NKAIN1: variants seen among roughly 807,000 people sequenced by gnomAD.
NKAIN1 encodes sodium/potassium-transporting ATPase subunit beta-1-interacting protein 1.
A neutral mutation model predicts 31.6 loss-of-function variants in NKAIN1; 13 were observed. That is an observed-to-expected ratio of 0.41 (90% CI 0.27 to 0.65). The LOEUF is 0.65. Among genes scored for constraint, NKAIN1 ranks in the 30% least tolerant of loss-of-function variants. The pLI is 0.30. For missense variants in NKAIN1, 193 were observed against 262.2 expected (o/e 0.74, Z 1.82); for synonymous variants, 104 against 109.0 (o/e 0.95, Z 0.28).
rs1645529647 is a variant in NKAIN1 at position 31,218,053 on chromosome 1, T to TTTCC, written c.54+21440_54+21441insGGAA. ...CTTTCTTTCTTTCTTTCTTTCTTTCTTTCTTTCTTTCTTTCTTTTTTTTTT... is the reference window on the plus strand; with the variant it reads ...CTTTCTTTCTTTCTTTCTTTCTTTCTTTCCTTCTTTCTTTCTTTCTTTTTTTTTT... On this transcript the variant is annotated intron_variant, in intron 1 of 6. Coordinates refer to ENST00000373736, the MANE Select transcript of NKAIN1 (RefSeq NM_024522.3). 3.0e-4 allele frequency among the ~76,000 whole-genome samples: 43 copies of TTTCC among 142,528 alleles called. No homozygotes were observed. The Admixed American group carries it at 3.3e-3, about 11-fold the overall frequency. The allele number at this position is 142,528 out of a possible 152,430, so 93.5% of individuals were successfully genotyped here. A position where few individuals can be genotyped will look rare whatever the true frequency, so the allele number is the denominator to read the frequency against.
chr1:31,193,877 C>A (rs1458543949), intron 1 of NKAIN1: 1 of 152,308 alleles, frequency 6.6e-6, no homozygotes, highest in African/African-American at 2.4e-5. Flanking sequence ...TCATAACCGG[C>A]CTTGCTGTGT....
At chr1:31,220,754 C>CA (rs772908877) in intron 1 of NKAIN1, among the ~76,000 whole-genome samples, 6,620 of 58,544 alleles carry the variant, frequency 0.11, 635 homozygotes, top group East Asian at 0.27. Context: ...ACTCCATCTC[C>CA]AAAAAAAAAA....
At position 31,180,684 on chromosome 1, in the gene NKAIN1, G is replaced by C. The variant is rs1645190700; in HGVS notation, c.*1019C>G. The stretch of plus-strand genomic sequence containing the variant: ...GGGATACAGTAGAACCAGCCTCAGG[G>C]ACCTGGAAGGGGGTGGAGTGACTGA... On this transcript the variant is annotated 3_prime_UTR_variant, in exon 7 of 7. Coordinates refer to ENST00000373736, the MANE Select transcript of NKAIN1 (RefSeq NM_024522.3). 6.6e-6 allele frequency: 1 copy of C among 152,436 alleles called. No individual in the cohort carries two copies. The highest frequency in any genetic ancestry group is 2.4e-5 in the African/African-American group (1 of 41,434). The allele number at this position is 152,436 out of a possible 1,614,324, so 9.4% of individuals were successfully genotyped here. A position where few individuals can be genotyped will look rare whatever the true frequency, so the allele number is the denominator to read the frequency against.
rs775103795 is a variant in NKAIN1 at position 31,181,977 on chromosome 1, G to A, written c.533-36C>T. On this transcript the variant is annotated intron_variant, in intron 5 of 6. Coordinates refer to ENST00000373736, the MANE Select transcript of NKAIN1 (RefSeq NM_024522.3). Reference sequence around the variant, plus strand: ...GGGGCGGCGCATGTTAGGGATCGGCGGCGGGGGCGAGGAGAGGGAGACTGG... The same window carrying A: ...GGGGCGGCGCATGTTAGGGATCGGCAGCGGGGGCGAGGAGAGGGAGACTGG... 9.5e-6 allele frequency: 15 copies of A among 1,577,308 alleles called. No individual in the cohort carries two copies. The African/African-American group carries it at 1.6e-4, about 17-fold the overall frequency.
At chr1:31,213,158 T>C (rs1399929190) in intron 1 of NKAIN1, among the ~76,000 whole-genome samples, 1 of 147,276 alleles carries the variant, frequency 6.8e-6, no homozygotes, top group African/African-American at 2.5e-5. Context: ...AGTCAACCCA[T>C]ACAATATGAG....
chr1:31,184,058 A>T, intron 3 of NKAIN1, 44 bp from the exon 4 acceptor site: 1 of 1,558,098 alleles, frequency 6.4e-7, no homozygotes, highest in Non-Finnish European at 8.8e-7. Context: ...AGGGAGAGGG[A>T]GGGGGGAGCT....
intron 1 of NKAIN1, among the ~76,000 whole-genome samples, chr1:31,199,160 GTC>G (rs1645356103): frequency 6.6e-6 from 1 of 152,198 alleles, no homozygotes; most frequent in African/African-American, 2.4e-5. Context: ...GCCTGGTTCT[GTC>G]TCTCTCACTG....
intron 1 of NKAIN1, among the ~76,000 whole-genome samples, chr1:31,223,230 G>T (rs917264755): frequency 6.6e-6 from 1 of 151,990 alleles, no homozygotes; most frequent in Non-Finnish European, 1.5e-5. Flanking sequence ...ACAAAAATTA[G>T]CTGGGCATGG....
At chr1:31,210,082 A>C (rs990899334) in intron 1 of NKAIN1, among the ~76,000 whole-genome samples, 1 of 151,910 alleles carries the variant, frequency 6.6e-6, no homozygotes, top group Non-Finnish European at 1.5e-5. Flanking sequence ...TCTGAAATAG[A>C]GCCTCCTCCT....
chr1:31,212,853 TG>T (rs1645481165), intron 1 of NKAIN1, among the ~76,000 whole-genome samples: 1 of 151,872 alleles, frequency 6.6e-6, no homozygotes, highest in Admixed American at 6.6e-5. Flanking sequence ...AAAAGTTAGC[TG>T]GGCGTGGTGG....
At chr1:31,193,213 C>T (rs908287390) in intron 1 of NKAIN1, among the ~76,000 whole-genome samples, 6 of 151,504 alleles carry the variant, frequency 4.0e-5, no homozygotes, top group South Asian at 2.1e-4. Flanking sequence ...GGACTACAGG[C>T]GCCCGCCACC....
At chr1:31,215,700 G>T (rs919261284) in intron 1 of NKAIN1, among the ~76,000 whole-genome samples, 1 of 152,106 alleles carries the variant, frequency 6.6e-6, no homozygotes, top group South Asian at 2.1e-4. Flanking sequence ...CCAACCGAAG[G>T]CCCTGGGAGG....
chr1:31,221,471 C>T (rs951473908), intron 1 of NKAIN1, among the ~76,000 whole-genome samples: 18 of 152,182 alleles, frequency 1.2e-4, no homozygotes, highest in Admixed American at 2.0e-4. Context: ...GAGTCTTGCT[C>T]TGTCGCCAGG....
intron 1 of NKAIN1, among the ~76,000 whole-genome samples, chr1:31,225,608 A>G (rs7525003): frequency 0.32 from 48,157 of 152,002 alleles, 9,680 homozygotes; most frequent in African/African-American, 0.57. Context: ...GATTACAGGT[A>G]TGAGCCACCA....
At chr1:31,187,960 G>A in intron 2 of NKAIN1, 90 bp downstream of exon 2, 1 of 1,369,954 alleles carries the variant, frequency 7.3e-7, no homozygotes, top group Non-Finnish European at 9.9e-7. Flanking sequence ...CAGTGTTGGG[G>A]GGCAGTTCTG....
chr1:31,194,329 C>T (rs1260119849), intron 1 of NKAIN1, among the ~76,000 whole-genome samples: 1 of 149,622 alleles, frequency 6.7e-6, no homozygotes, highest in Non-Finnish European at 1.5e-5. Flanking sequence ...TCTCTGTTCT[C>T]CCCTGACCCA....
intron 1 of NKAIN1, among the ~76,000 whole-genome samples, chr1:31,219,017 G>C (rs947289015): frequency 1.3e-5 from 2 of 152,248 alleles, no homozygotes; most frequent in African/African-American, 4.8e-5. Flanking sequence ...CTCAAGTCCA[G>C]ACCCTTCTCT....
intron 1 of NKAIN1, among the ~76,000 whole-genome samples, chr1:31,201,530 T>TC (rs1296672175): frequency 6.6e-6 from 1 of 150,910 alleles, no homozygotes; most frequent in Non-Finnish European, 1.5e-5. Context: ...GGCTAATTTT[T>TC]TTTTGTATTT....
intron 2 of NKAIN1, 52 bp from the exon 3 acceptor site, chr1:31,185,379 G>A (rs756800892): frequency 1.4e-6 from 2 of 1,453,494 alleles, no homozygotes; most frequent in South Asian, 2.4e-5. Flanking sequence ...TGGGGGATGG[G>A]GAGTGTCAAT....
Sources: gnomAD v4.1 joint callset for allele counts (sites outside exome capture counted in the v4.1 genomes callset) on GRCh38, gnomAD v4.1.1 for gene constraint, MANE v1.5 for transcripts, NCBI Gene and HGNC (gene_info 2026-07-23, HGNC 2026-07-21) for gene names.